The following FLACC1 variants were observed in gnomAD, a reference collection of about 807,000 sequenced individuals.
FLACC1 encodes flagellum associated containing coiled-coil domains 1, also known as flagellum-associated coiled-coil domain-containing protein 1.
A neutral mutation model predicts 62.8 loss-of-function variants in FLACC1; 66 were observed. The ratio of observed to expected loss-of-function variants is 1.05; its 90% CI spans 0.86 to 1.29. The LOEUF (loss-of-function observed/expected upper bound fraction) is 1.29, where lower values mean the gene tolerates loss of function less well. FLACC1 is among the 50% of genes most tolerant of loss of function. FLACC1 has a pLI of 0.00. For missense variants in FLACC1, 452 were observed against 489.1 expected (o/e 0.92, Z 0.71); for synonymous variants, 156 against 161.0 (o/e 0.97, Z 0.24).
rs768534503 is a variant in FLACC1, at chr2:201,309,204, G to A, written c.722C>T (p.Ala241Val). ...GAACTTCTCATCCTTCTTCCATTTC[G>A]CCTTCTGTTTTGACCACTTCTCTTC... ...EMEEKWSKQK[A>V]KWKKDEKFER... The change falls in exon 10 of 15, where the codon GCG becomes GTG. Residue 241 changes from alanine to valine, a missense_variant. Physicochemically the swap from Ala to Val is moderately conservative, Grantham distance 64 (BLOSUM62 0). Around this residue, in one of 3 missense-constraint regions of FLACC1, gnomAD observed 301 missense variants for 318.4 expected, o/e 0.95. Coordinates refer to ENST00000392257, the MANE Select transcript of FLACC1 (RefSeq NM_001127391.3). 9 of 1,613,696 alleles carry A rather than the reference G, an allele frequency of 5.6e-6. No individual in the cohort carries two copies. The highest frequency in any genetic ancestry group is 4.0e-5 in the African/African-American group (3 of 74,792).
intron 1 of FLACC1, among the ~76,000 whole-genome samples, chr2:201,352,625 C>T (rs575691504): frequency 6.6e-6 from 1 of 152,316 alleles, no homozygotes; most frequent in Admixed American, 6.5e-5. Context: ...AGCCAATTCA[C>T]ACATCAGAGG....
rs779318488 is a variant in FLACC1 at position 201,288,668 on chromosome 2, C to T, written c.1256G>A (p.Gly419Glu). The T allele has an allele frequency of 5.0e-6, 8 of 1,613,744 alleles. No individual in the cohort carries two copies. Among genetic ancestry groups the T allele is most frequent in the Non-Finnish European group, 6.8e-6 (8 of 1,179,806 alleles). ...SDTVQDGSKK[G>E]QES ...GCAACTTTTTGTTTATGATTCTTGT[C>T]CTTTCTTGCTACCATCTTGCACAGT... Residue 419 changes from glycine to glutamate, a missense_variant, in exon 15 of 15, where the codon GGA becomes GAA. By Grantham distance (98) the Gly-to-Glu change is moderately conservative (BLOSUM62 -2). Around this residue, in one of 3 missense-constraint regions of FLACC1, gnomAD observed 301 missense variants for 318.4 expected, o/e 0.95. Coordinates refer to ENST00000392257, the MANE Select transcript of FLACC1 (RefSeq NM_001127391.3).
rs1221888748 is a variant in FLACC1 at position 201,336,621 on chromosome 2, C to A, written c.524+5749G>T. Among the ~76,000 whole-genome samples the A allele has an allele frequency of 2.0e-5, 3 of 152,106 alleles. No individual in the cohort carries two copies. The East Asian group carries it at 5.8e-4, about 29-fold the overall frequency. On this transcript the variant is annotated intron_variant, in intron 7 of 14. Coordinates refer to ENST00000392257, the MANE Select transcript of FLACC1 (RefSeq NM_001127391.3). The stretch of plus-strand genomic sequence containing the variant: ...CACAGTGGCTGAACTAATTAACATC[C>A]CCACCAATAGTGTATAGCATTTCCT...
At chr2:201,305,631 A>G (rs1052287196) in intron 11 of FLACC1, among the ~76,000 whole-genome samples, 7 of 152,214 alleles carry the variant, frequency 4.6e-5, no homozygotes, top group African/African-American at 1.7e-4. Context: ...AGACACATGC[A>G]CACGTATGTT....
chr2:201,317,791 A>T (rs1164063587), intron 9 of FLACC1, among the ~76,000 whole-genome samples: 1 of 152,136 alleles, frequency 6.6e-6, no homozygotes, highest in Non-Finnish European at 1.5e-5. Context: ...ACAAAAAATC[A>T]AAAAGCAAAA....
upstream of FLACC1, among the ~76,000 whole-genome samples, chr2:201,357,572 A>T (rs1003337487): frequency 3.9e-5 from 6 of 152,222 alleles, no homozygotes; most frequent in Non-Finnish European, 8.8e-5. Flanking sequence ...TGGGACAAAA[A>T]AGTTTAAGAT....
intron 1 of FLACC1, 25 bp from the exon 2 acceptor site, chr2:201,351,476 A>C: frequency 1.7e-6 from 2 of 1,145,658 alleles, no homozygotes; most frequent in Non-Finnish European, 2.6e-6. Flanking sequence ...CAACAGCAGA[A>C]GGTTAAACCA....
At chr2:201,340,747 C>G (rs538446130) in intron 7 of FLACC1, among the ~76,000 whole-genome samples, 5 of 152,268 alleles carry the variant, frequency 3.3e-5, no homozygotes, top group African/African-American at 1.2e-4. Context: ...TTATTAGCAG[C>G]TTTCTGTTTC....
chr2:201,327,229 A>G (rs1042765063), intron 9 of FLACC1, among the ~76,000 whole-genome samples: 1 of 152,168 alleles, frequency 6.6e-6, no homozygotes, highest in Non-Finnish European at 1.5e-5. Context: ...TCTAGAAGAC[A>G]TTAGAAAAAC....
chr2:201,364,289 C>G, the FLACC1 span, among the ~76,000 whole-genome samples: 188 of 152,086 alleles, frequency 1.2e-3, no homozygotes, highest in Middle Eastern at 0.014. Context: ...AAAAAAAACC[C>G]CAATAATATT....
At chr2:201,321,392 T>C (rs1380927378) in intron 9 of FLACC1, among the ~76,000 whole-genome samples, 4 of 152,094 alleles carry the variant, frequency 2.6e-5, no homozygotes, top group Non-Finnish European at 5.9e-5. Context: ...AAGAACCAGA[T>C]CTTTCTGCTA....
In FLACC1 at chr2:201,307,610, G is replaced by T. The variant is rs1360838002; in HGVS notation, c.788C>A (p.Thr263Asn). The part of the protein sequence containing the change: ...NILLQQKKKM[T>N]KKFEMESGEE... ...TCCTGACTCCATTTCGAATTTTTTG[G>T]TCATCTTTTTTTCTGTGGAAGTGAC... Residue 263 changes from threonine (T) to asparagine (N), a missense_variant, in exon 11 of 15, where the codon ACC (threonine) becomes AAC (asparagine). Thr to Asn is a moderately conservative substitution (Grantham distance 65). Coordinates refer to ENST00000392257, the MANE Select transcript of FLACC1 (RefSeq NM_001127391.3). The T allele has an allele frequency of 5.0e-6, 8 of 1,613,398 alleles. No individual in the cohort carries two copies. In the East Asian group the frequency reaches 1.8e-4, roughly 36 times the overall value.
At chr2:201,328,819 T>C (rs1950542242) in intron 9 of FLACC1, among the ~76,000 whole-genome samples, 1 of 152,260 alleles carries the variant, frequency 6.6e-6, no homozygotes. Context: ...ACCTATATTT[T>C]GAAATAAGTT....
intron 12 of FLACC1, among the ~76,000 whole-genome samples, chr2:201,296,890 G>C (rs1208279477): frequency 1.3e-5 from 2 of 152,126 alleles, no homozygotes; most frequent in African/African-American, 4.8e-5. Flanking sequence ...GGGATGGATT[G>C]GAAGGGCAAG....
chr2:201,346,787 C>T lies in FLACC1; in HGVS notation c.235-112G>A. ...TTAAAAACAGGGACCTGGGACTCCA[C>T]AGCCCAAGCCCTTCTGGGCCCTTCA... is the stretch of plus-strand genomic sequence containing the variant. On this transcript the variant is annotated intron_variant, in intron 4 of 14. Transcript: ENST00000392257. This position sits in a 1 kb window ranked among gnomAD's most constrained non-coding sequence, Gnocchi z 4.0. The T allele has an allele frequency of 8.2e-6, 11 of 1,346,872 alleles. No individual in the cohort carries two copies. The highest frequency in any genetic ancestry group is 1.4e-5 in the African/African-American group (1 of 69,118). 83.4% of individuals were successfully genotyped at this position (1,346,872 alleles called of 1,614,324 possible).
At chr2:201,345,405 C>T (rs1950890885) in intron 5 of FLACC1, among the ~76,000 whole-genome samples, 1 of 151,486 alleles carries the variant, frequency 6.6e-6, no homozygotes, top group Admixed American at 6.6e-5. Context: ...CCACTGCTAA[C>T]GGTTTGGTTG....
At chr2:201,345,708 T>C (rs1950899532) in intron 5 of FLACC1, among the ~76,000 whole-genome samples, 1 of 151,866 alleles carries the variant, frequency 6.6e-6, no homozygotes, top group African/African-American at 2.4e-5. Flanking sequence ...CATCTGTTAA[T>C]GAAAAAAGAA....
intron 7 of FLACC1, among the ~76,000 whole-genome samples, chr2:201,338,063 C>A (rs929775759): frequency 6.6e-6 from 1 of 152,190 alleles, no homozygotes; most frequent in African/African-American, 2.4e-5. Flanking sequence ...TTTGTGTCCT[C>A]TTCAATTTAT....
At position 201,304,982 on chromosome 2, in the gene FLACC1, A is replaced by G. The variant is rs777455664; in HGVS notation, c.879+2537T>C. Among the ~76,000 whole-genome samples the G allele has an allele frequency of 5.6e-4, 86 of 152,382 alleles. 2 individuals carry two copies. The highest frequency in any genetic ancestry group is 1.4e-3 in the Admixed American group (21 of 15,302). On this transcript the variant is annotated intron_variant, in intron 11 of 14. Coordinates refer to ENST00000392257, the MANE Select transcript of FLACC1 (RefSeq NM_001127391.3). The stretch of plus-strand genomic sequence containing the variant: ...TCAGACCTAAAACCATAAAAACCCT[A>G]GAGGGAAACCTAGGCAATACCATTC...
Sources: gnomAD v4.1 joint callset for allele counts (sites outside exome capture counted in the v4.1 genomes callset) on GRCh38, gnomAD v4.1.1 for gene constraint, gnomAD v4.1.1 regional missense constraint, Gnocchi (gnomAD v3.1) non-coding constraint, MANE v1.5 for transcripts, NCBI Gene and HGNC (gene_info 2026-07-23, HGNC 2026-07-21) for gene names.